Variants in FAM171A1 observed in about 807,000 individuals in gnomAD.
FAM171A1 encodes the protein protein FAM171A1.
A neutral mutation model predicts 74.9 loss-of-function variants in FAM171A1; 23 were observed. The observed-to-expected ratio is 0.31, with a 90% CI of 0.22 to 0.44. The LOEUF (loss-of-function observed/expected upper bound fraction) is 0.44, where lower values mean the gene tolerates loss of function less well. FAM171A1 is among the 20% of genes least tolerant of loss of function. The pLI, the probability that FAM171A1 is intolerant of heterozygous loss-of-function variation, is 1.00. For missense variants in FAM171A1, 1,162 were observed against 1,159.2 expected, an observed-to-expected ratio of 1.00 and a Z score of -0.03; for synonymous variants, 527 against 505.7, an observed-to-expected ratio of 1.04 and a Z score of -0.57.
At chr10:15,322,824 T>A (rs918542785) in intron 1 of FAM171A1, among the ~76,000 whole-genome samples, 4 of 152,166 alleles carry the variant, frequency 2.6e-5, no homozygotes, top group Admixed American at 2.0e-4. Context: ...ATGACCAAGG[T>A]CTTCATTTGC....
upstream of FAM171A1, among the ~76,000 whole-genome samples, chr10:15,372,597 C>T (rs1028266097): frequency 6.8e-6 from 1 of 147,372 alleles, no homozygotes; most frequent in African/African-American, 2.5e-5. Context: ...ACTCAGGAGG[C>T]TGAGGTGGGA....
Position 15,213,171 on chromosome 10 carries a change from C to A in FAM171A1, c.2417G>T (p.Cys806Phe). ...TCGCAGGGCACTGTCCTCGGGGGTA[C>A]AGACCGTGGTCCCACATTCGCTACC... The part of the protein sequence containing the change: ...QSGSECGTTV[C>F]TPEDSALRCL... The change falls in exon 8 of 8, where the codon TGT becomes TTT. Residue 806 changes from cysteine to phenylalanine, a missense_variant. By Grantham distance (205) the Cys-to-Phe change is radical. Transcript: ENST00000378116. The surrounding 1 kb of genome is among the most constrained non-coding windows in gnomAD (Gnocchi z 6.8). The A allele has an allele frequency of 6.2e-7, 1 of 1,614,142 alleles. No individual in the cohort carries two copies. Among genetic ancestry groups the A allele is most frequent in the South Asian group, 1.1e-5 (1 of 91,076 alleles).
chr10:15,371,069 G>C lies in FAM171A1; in HGVS notation c.-17C>G, dbSNP rs1200161406. On this transcript the variant is annotated 5_prime_UTR_variant, in exon 1 of 8. Transcript: ENST00000378116. The stretch of plus-strand genomic sequence containing the variant: ...CCTGCTCATCTCCGCCGCGGGGCCG[G>C]CGGCGGCTCGGGCTCGCCGAGAGCG... The C allele has an allele frequency of 9.4e-7, 1 of 1,063,858 alleles. No individual in the cohort carries two copies. Among genetic ancestry groups the C allele is most frequent in the Non-Finnish European group, 1.1e-6 (1 of 870,376 alleles). 65.9% of individuals were successfully genotyped at this position (1,063,858 alleles called of 1,614,324 possible). A position where few individuals can be genotyped will look rare whatever the true frequency, so the allele number is the denominator to read the frequency against.
intron 1 of FAM171A1, among the ~76,000 whole-genome samples, chr10:15,343,151 T>C (rs1835783643): frequency 6.6e-6 from 1 of 152,136 alleles, no homozygotes; most frequent in African/African-American, 2.4e-5. Flanking sequence ...CATGTTGCTT[T>C]AAAATGCTCC....
At position 15,220,773 on chromosome 10, in the gene FAM171A1, C is replaced by G. The variant is rs145293762; in HGVS notation, c.871+171G>C. On this transcript the variant is annotated intron_variant, in intron 6 of 7. Coordinates refer to ENST00000378116, the MANE Select transcript of FAM171A1 (RefSeq NM_001010924.2). ...GATGGAAGATTTCCAACCAGAAGTC[C>G]CCCACCCCCGCAAAATACCTTCTTT... 1.8e-3 allele frequency among the ~76,000 whole-genome samples: 281 copies of G among 152,242 alleles called. 1 individual carries two copies. Among genetic ancestry groups the G allele is most frequent in the African/African-American group, 6.4e-3 (265 of 41,548 alleles).
At chr10:15,225,755 GAC>G (rs1253178650) in intron 5 of FAM171A1, among the ~76,000 whole-genome samples, 2 of 152,178 alleles carry the variant, frequency 1.3e-5, no homozygotes, top group African/African-American at 4.8e-5. Context: ...GCACTGCTGA[GAC>G]AGAGCAAGGG....
intron 5 of FAM171A1, among the ~76,000 whole-genome samples, chr10:15,233,626 T>C (rs760381697): frequency 2.3e-4 from 35 of 151,102 alleles, no homozygotes; most frequent in Non-Finnish European, 4.3e-4. Flanking sequence ...CACGATGGCC[T>C]GGTGTGGTGG....
In FAM171A1 at chr10:15,278,828, G is replaced by C. The variant is rs895195686; in HGVS notation, c.326-2881C>G. The stretch of plus-strand genomic sequence containing the variant: ...AACATTCTGCAATTAGTCACTGTTG[G>C]GAGGAACCCCAACTTGGGTAAATCC... On this transcript the variant is annotated intron_variant, in intron 2 of 7. Transcript: ENST00000378116. Among the ~76,000 whole-genome samples, 5 of 152,252 alleles carry C rather than the reference G, an allele frequency of 3.3e-5. No individual in the cohort carries two copies. In the East Asian group the frequency reaches 7.7e-4, roughly 24 times the overall value.
At chr10:15,263,442 T>A (rs572267184) in intron 3 of FAM171A1, among the ~76,000 whole-genome samples, 3 of 152,314 alleles carry the variant, frequency 2.0e-5, no homozygotes, top group African/African-American at 7.2e-5. Flanking sequence ...TTCGTATAAT[T>A]TACGAGTGTT....
chr10:15,311,727 T>A (rs913986835), intron 1 of FAM171A1, among the ~76,000 whole-genome samples: 1 of 152,026 alleles, frequency 6.6e-6, no homozygotes, highest in African/African-American at 2.4e-5. Flanking sequence ...GAAGGCGGCA[T>A]CACGTTTTCC....
At chr10:15,347,846 A>C (rs1313230111) in intron 1 of FAM171A1, among the ~76,000 whole-genome samples, 1 of 97,204 alleles carries the variant, frequency 1.0e-5, no homozygotes, top group Non-Finnish European at 2.7e-5. Context: ...AAAAAAAAAA[A>C]AAAAAAAAAA....
At position 15,317,216 on chromosome 10, in the gene FAM171A1, C is replaced by A. The variant is rs1189000754; in HGVS notation, c.98-33111G>T. On this transcript the variant is annotated intron_variant, in intron 1 of 7. Transcript: ENST00000378116. ...GTGCAGACACTGAGGAAAGGCAAGG[C>A]CAGGAAGTCATGACGGGAGAGAGAC... Among the ~76,000 whole-genome samples, 3 of 151,958 alleles carry A rather than the reference C, an allele frequency of 2.0e-5. No homozygotes were observed. The East Asian group carries it at 5.8e-4, about 29-fold the overall frequency.
chr10:15,273,999 A>C (rs1312248548), intron 3 of FAM171A1, among the ~76,000 whole-genome samples: 3 of 151,954 alleles, frequency 2.0e-5, no homozygotes, highest in African/African-American at 4.8e-5. Context: ...CTCTCTCACC[A>C]CTCCTGTTCA....
intron 5 of FAM171A1, among the ~76,000 whole-genome samples, chr10:15,247,774 A>C (rs561066693): frequency 2.6e-5 from 4 of 152,270 alleles, no homozygotes; most frequent in African/African-American, 9.6e-5. Context: ...CACCCAGCCT[A>C]CTATATCATT....
At chr10:15,233,828 G>C (rs1488952245) in intron 5 of FAM171A1, among the ~76,000 whole-genome samples, 2 of 151,570 alleles carry the variant, frequency 1.3e-5, no homozygotes, top group South Asian at 2.1e-4. Context: ...CTTGAACCAG[G>C]GAGTCAGAGG....
chr10:15,254,033 T>C (rs770804551), intron 4 of FAM171A1, among the ~76,000 whole-genome samples: 6 of 152,350 alleles, frequency 3.9e-5, no homozygotes, highest in Middle Eastern at 3.4e-3. Flanking sequence ...CCAGCTGACT[T>C]AGAGACCTGC....
chr10:15,323,883 A>G (rs960146488), intron 1 of FAM171A1, among the ~76,000 whole-genome samples: 1 of 152,206 alleles, frequency 6.6e-6, no homozygotes, highest in Non-Finnish European at 1.5e-5. Flanking sequence ...GCAGTTTAAA[A>G]GCCATAGCAC....
chr10:15,277,255 T>A (rs1173035280), intron 2 of FAM171A1, among the ~76,000 whole-genome samples: 1 of 152,218 alleles, frequency 6.6e-6, no homozygotes, highest in East Asian at 1.9e-4. Flanking sequence ...TTCACTCTTG[T>A]TGCCCAGGCT....
At position 15,213,794 on chromosome 10, in the gene FAM171A1, G is replaced by A; in HGVS notation, c.1794C>T (p.Ser598=). 1 of 1,614,176 alleles carries A rather than the reference G, an allele frequency of 6.2e-7. No individual in the cohort carries two copies. Among genetic ancestry groups the A allele is most frequent in the South Asian group, 1.1e-5 (1 of 91,082 alleles). The change falls in exon 8 of 8, where the codon AGC becomes AGT. Residue 598 remains serine, a synonymous_variant. Transcript: ENST00000378116. The surrounding 1 kb of genome is among the most constrained non-coding windows in gnomAD (Gnocchi z 6.8). The stretch of plus-strand genomic sequence containing the variant: ...GATCAGCCGGGACGACGAGGGGCTG[G>A]CTGACATAGGAGTGGTCCCCGGGGA... ...MKLPGDHSYV[S]QPLVVPADQQ...
Sources: allele counts gnomAD v4.1 joint callset (sites outside exome capture counted in the v4.1 genomes callset), GRCh38; gene constraint gnomAD v4.1.1; non-coding constraint Gnocchi (gnomAD v3.1); transcripts MANE v1.5; gene names NCBI Gene and HGNC (gene_info 2026-07-23, HGNC 2026-07-21).